SSBP3: variants seen among roughly 807,000 people sequenced by gnomAD.
The protein encoded by SSBP3 is single stranded DNA binding protein 3, also known as single-stranded DNA-binding protein 3.
Under a neutral mutation model 69.6 loss-of-function variants are expected in SSBP3, and 5 were observed. That is an observed-to-expected ratio of 0.07 (90% CI 0.04 to 0.15). The LOEUF is 0.15. SSBP3 is among the 10% of genes least tolerant of loss of function. The pLI is 1.00. For synonymous variants in SSBP3, 196 were observed against 193.4 expected (o/e 1.01, Z -0.11); for missense variants, 312 against 534.0 (o/e 0.58, Z 4.10).
rs758784443 is a variant in SSBP3, at chr1:54,251,712, C to T, written c.575-20G>A. 1.0e-5 allele frequency: 16 copies of T among 1,572,792 alleles called. No individual in the cohort carries two copies. The highest frequency in any genetic ancestry group is 1.2e-5 in the Non-Finnish European group (14 of 1,157,174). On this transcript the variant is annotated intron_variant, in intron 8 of 17. Coordinates refer to ENST00000610401, the Ensembl canonical transcript of SSBP3. ...GGTGGCCTGCGTGAGAGAGGAGGCG[C>T]GTCATGGGATGGCAGGAGTGGAGGG... is the stretch of plus-strand genomic sequence containing the variant.
chr1:54,330,034 G>T (rs1646379869), intron 4 of SSBP3, among the ~76,000 whole-genome samples: 1 of 152,128 alleles, frequency 6.6e-6, no homozygotes, highest in Non-Finnish European at 1.5e-5. Context: ...AGCACTGCCT[G>T]GTTATAAAAG....
intron 4 of SSBP3, among the ~76,000 whole-genome samples, chr1:54,319,571 G>A (rs181823739): frequency 3.8e-4 from 58 of 152,172 alleles, no homozygotes; most frequent in Admixed American, 9.2e-4. Flanking sequence ...CCCACAGGTG[G>A]GAAGGTCCTC....
At chr1:54,352,415 T>G (rs943591962) in intron 4 of SSBP3, among the ~76,000 whole-genome samples, 1 of 152,268 alleles carries the variant, frequency 6.6e-6, no homozygotes, top group Admixed American at 6.5e-5. Flanking sequence ...CTTCTTCAAG[T>G]GACTTCTCCA....
chr1:54,397,803 T>C (rs964822125), intron 4 of SSBP3, among the ~76,000 whole-genome samples: 1 of 152,204 alleles, frequency 6.6e-6, no homozygotes, highest in African/African-American at 2.4e-5. Flanking sequence ...GAGGGCTTTC[T>C]GGAAATACTG....
rs144647233 is a variant in SSBP3 at position 54,230,960 on chromosome 1, A to AT, written c.928-2135dup. On this transcript the variant is annotated intron_variant, in intron 14 of 17. Coordinates refer to ENST00000610401, the Ensembl canonical transcript of SSBP3. ...TTTCACTGTCTGACTATTATGACTA[A>AT]TGACACTGATGTAATGACACTCATG... Among the ~76,000 whole-genome samples, 563 of 152,330 alleles carry AT rather than the reference A, an allele frequency of 3.7e-3. 4 individuals are homozygous for AT. The highest frequency in any genetic ancestry group is 0.013 in the African/African-American group (542 of 41,570).
At chr1:54,402,333 T>C (rs940151079) in intron 3 of SSBP3, among the ~76,000 whole-genome samples, 3 of 152,172 alleles carry the variant, frequency 2.0e-5, no homozygotes, top group Admixed American at 1.3e-4. Flanking sequence ...TGGACGAGAA[T>C]CCATACTGTT....
chr1:54,382,925 C>T (rs533803879), intron 4 of SSBP3, among the ~76,000 whole-genome samples: 2 of 129,908 alleles, frequency 1.5e-5, no homozygotes, highest in South Asian at 2.6e-4. Context: ...GCGGAGGCTG[C>T]GGTGAGCCGA....
At chr1:54,261,064 C>G (rs1429102349) in intron 5 of SSBP3, among the ~76,000 whole-genome samples, 3 of 152,228 alleles carry the variant, frequency 2.0e-5, no homozygotes, top group Non-Finnish European at 4.4e-5. Flanking sequence ...GAGAACTCCT[C>G]TGTGTCTCTG....
chr1:54,388,566 G>A (rs907331686), intron 4 of SSBP3, among the ~76,000 whole-genome samples: 1 of 152,252 alleles, frequency 6.6e-6, no homozygotes, highest in African/African-American at 2.4e-5. Flanking sequence ...AAGCTATTAA[G>A]TGGGAAAGCT....
At chr1:54,246,542 G>GAGCC (rs1160625975) in intron 9 of SSBP3, among the ~76,000 whole-genome samples, 3 of 152,190 alleles carry the variant, frequency 2.0e-5, no homozygotes, top group African/African-American at 7.2e-5. Context: ...TCACTCCATA[G>GAGCC]AGCCCTCTTG....
At chr1:54,354,354 C>T (rs60124244) in intron 4 of SSBP3, among the ~76,000 whole-genome samples, 1,955 of 152,310 alleles carry the variant, frequency 0.013, 37 homozygotes, top group African/African-American at 0.045. Context: ...CCCAATCCCA[C>T]AAAACATAAG....
intron 4 of SSBP3, among the ~76,000 whole-genome samples, chr1:54,398,171 T>G (rs952468818): frequency 1.2e-4 from 19 of 152,148 alleles, no homozygotes; most frequent in African/African-American, 4.3e-4. Flanking sequence ...CCACCTAAAC[T>G]CTAGGGTTCA....
chr1:54,331,654 T>C (rs1646412572), intron 4 of SSBP3, among the ~76,000 whole-genome samples: 1 of 152,190 alleles, frequency 6.6e-6, no homozygotes, highest in Non-Finnish European at 1.5e-5. Flanking sequence ...TGCAACACGC[T>C]GGTCAGCTGG....
intron 4 of SSBP3, among the ~76,000 whole-genome samples, chr1:54,357,101 G>A (rs1167821464): frequency 2.6e-5 from 4 of 152,112 alleles, no homozygotes; most frequent in African/African-American, 7.2e-5. Context: ...AGGGAGGGAG[G>A]GAAGACAGGA....
intron 9 of SSBP3, among the ~76,000 whole-genome samples, chr1:54,245,654 G>A (rs369227990): frequency 5.8e-4 from 89 of 152,322 alleles, no homozygotes; most frequent in Middle Eastern, 3.4e-3. Context: ...GCCAGACCCG[G>A]AGCCAGAGAA....
At chr1:54,317,269 G>A (rs535388032) in intron 4 of SSBP3, among the ~76,000 whole-genome samples, 1 of 152,320 alleles carries the variant, frequency 6.6e-6, no homozygotes, top group South Asian at 2.1e-4. Flanking sequence ...CAACCGTGGT[G>A]ACTCACACCT....
intron 9 of SSBP3, among the ~76,000 whole-genome samples, chr1:54,245,071 G>A (rs1570244870): frequency 1.3e-5 from 2 of 152,352 alleles, no homozygotes; most frequent in South Asian, 2.1e-4. Flanking sequence ...AAAGACCGAA[G>A]AAGGGAATGC....
intron 4 of SSBP3, among the ~76,000 whole-genome samples, chr1:54,397,081 G>C (rs1377124475): frequency 6.6e-6 from 1 of 152,230 alleles, no homozygotes; most frequent in Admixed American, 6.5e-5. Flanking sequence ...AAAGAAGTGT[G>C]TATGTTTTGT....
chr1:54,399,445 C>A (rs1298224120), intron 4 of SSBP3, among the ~76,000 whole-genome samples: 3 of 152,216 alleles, frequency 2.0e-5, no homozygotes. Flanking sequence ...CATCGGGTCT[C>A]TGGCAGGATA....
Sources: gnomAD v4.1 joint callset for allele counts (sites outside exome capture counted in the v4.1 genomes callset) on GRCh38, gnomAD v4.1.1 for gene constraint, MANE v1.5 for transcripts, NCBI Gene and HGNC (gene_info 2026-07-23, HGNC 2026-07-21) for gene names.